The following ZBTB48 variants were observed in gnomAD, a reference collection of about 807,000 sequenced individuals.
ZBTB48 encodes zinc finger and BTB domain-containing protein 48.
A neutral mutation model predicts 64.5 loss-of-function variants in ZBTB48; 35 were observed. The ratio of observed to expected loss-of-function variants is 0.54; its 90% CI spans 0.41 to 0.72. ZBTB48 has a LOEUF of 0.72. Ranked by LOEUF, ZBTB48 falls within the 30% of genes least tolerant of loss-of-function variation. The pLI is 0.00. For missense variants in ZBTB48, 828 were observed against 895.3 expected (o/e 0.92, Z 0.96); for synonymous variants, 442 against 356.7 (o/e 1.24, Z -2.70).
intron 3 of ZBTB48, chr1:6,585,672 C>T: frequency 2.0e-6 from 1 of 510,604 alleles, no homozygotes. Context: ...GCTGGGCCTC[C>T]CTGTCGGCCT....
At chr1:6,585,512 G>GTGT (rs1640626837) in intron 3 of ZBTB48, 1 of 201,948 alleles carries the variant, frequency 5.0e-6, no homozygotes, top group African/African-American at 2.3e-5. Context: ...CAGCTCCCCT[G>GTGT]GCTACCTGGG....
intron 4 of ZBTB48, 103 bp from the exon 5 acceptor site, chr1:6,586,592 C>T: frequency 4.2e-6 from 6 of 1,417,234 alleles, no homozygotes; most frequent in Non-Finnish European, 4.6e-6. Context: ...CCACCCTCCC[C>T]AGGCAGACTC....
Position 6,582,038 on chromosome 1 carries a change from T to C in ZBTB48, c.691-20T>C. The C allele has an allele frequency of 6.2e-7, 1 of 1,607,478 alleles. No individual in the cohort carries two copies. Among genetic ancestry groups the C allele is most frequent in the African/African-American group, 1.3e-5 (1 of 74,938 alleles). ...TTCATTTGGTGACGCCACCCCCTCC[T>C]GCTGCCTATTGTGCTCTAGTGGGAA... On this transcript the variant is annotated intron_variant, in intron 2 of 10. Coordinates refer to ENST00000377674, the MANE Select transcript of ZBTB48 (RefSeq NM_005341.4).
rs1640408834 is a variant in ZBTB48, at chr1:6,580,620, C to T, written c.11C>T (p.Ser4Phe). The change falls in exon 2 of 11, where the codon TCC (serine) becomes TTC (phenylalanine). Residue 4 changes from serine (S) to phenylalanine (F), a missense_variant. Coordinates refer to ENST00000377674, the MANE Select transcript of ZBTB48 (RefSeq NM_005341.4). The surrounding 1 kb of genome is among the most constrained non-coding windows in gnomAD (Gnocchi z 5.2). MDG[S>F]FVQHSVRVLQ... The stretch of plus-strand genomic sequence containing the variant: ...CCTGCCCTCCAGACCATGGACGGCT[C>T]CTTCGTCCAGCACAGTGTGAGGGTT... 1.9e-6 allele frequency: 3 copies of T among 1,609,856 alleles called. No homozygotes were observed. The highest frequency in any genetic ancestry group is 1.1e-5 in the South Asian group (1 of 91,002).
rs746681902 is a variant in ZBTB48 at position 6,586,005 on chromosome 1, G to A, written c.1019G>A (p.Arg340Gln). 9 of 1,614,028 alleles carry A rather than the reference G, an allele frequency of 5.6e-6. No individual in the cohort carries two copies. The East Asian group carries it at 8.9e-5, about 16-fold the overall frequency. Residue 340 changes from arginine to glutamine, a missense_variant, in exon 4 of 11, where the codon CGG becomes CAG. Physicochemically the swap from Arg to Gln is conservative, Grantham distance 43. Coordinates refer to ENST00000377674, the MANE Select transcript of ZBTB48 (RefSeq NM_005341.4). Reference sequence around the variant, plus strand: ...GAGAACCTCCTGGAGCATGAAGCCCGGAATTGCATGAACCGCTCGGAACAG... The same window carrying A: ...GAGAACCTCCTGGAGCATGAAGCCCAGAATTGCATGAACCGCTCGGAACAG... ...RKENLLEHEA[R>Q]NCMNRSEQVF... is the part of the protein sequence containing the mutation.
At position 6,580,498 on chromosome 1, in the gene ZBTB48, T is replaced by G; in HGVS notation, c.-69-43T>G. ...GCCCTCGTGCTGATAAATATGATTA[T>G]TTGAGTAGAGGCCAACTTCCCGTTT... On this transcript the variant is annotated intron_variant, in intron 1 of 10. Transcript: ENST00000377674. The surrounding 1 kb of genome is among the most constrained non-coding windows in gnomAD (Gnocchi z 5.2). The G allele has an allele frequency of 2.6e-6, 3 of 1,137,702 alleles. No homozygotes were observed. The highest frequency in any genetic ancestry group is 5.3e-5 in the Admixed American group (2 of 37,954). The allele number at this position is 1,137,702 out of a possible 1,614,324, so 70.5% of individuals were successfully genotyped here. A position where few individuals can be genotyped will look rare whatever the true frequency, so the allele number is the denominator to read the frequency against.
In ZBTB48 at chr1:6,580,692, C is replaced by T; in HGVS notation, c.83C>T (p.Ala28Val). Residue 28 changes from alanine (A) to valine (V), a missense_variant, in exon 2 of 11, where the codon GCC (alanine) becomes GTC (valine). Physicochemically the swap from Ala to Val is moderately conservative, Grantham distance 64 (BLOSUM62 0). Coordinates refer to ENST00000377674, the MANE Select transcript of ZBTB48 (RefSeq NM_005341.4). The surrounding 1 kb of genome is among the most constrained non-coding windows in gnomAD (Gnocchi z 5.2). ...KQREKGQYCD[A>V]TLDVGGLVFK... Reference sequence around the variant, plus strand: ...CGGGAGAAGGGCCAGTACTGCGACGCCACTCTGGACGTGGGGGGCCTGGTG... The same window carrying T: ...CGGGAGAAGGGCCAGTACTGCGACGTCACTCTGGACGTGGGGGGCCTGGTG... 1 of 1,614,154 alleles carries T rather than the reference C, an allele frequency of 6.2e-7. No homozygotes were observed. The highest frequency in any genetic ancestry group is 1.7e-4 in the Middle Eastern group (1 of 6,060).
At position 6,588,973 on chromosome 1, in the gene ZBTB48, C is replaced by T; in HGVS notation, c.1828C>T (p.Gln610Ter). Residue 610 changes from glutamine (Q) to a stop codon, truncating the protein, a stop_gained, in exon 11 of 11, where the codon CAG becomes TAG. Coordinates refer to ENST00000377674, the MANE Select transcript of ZBTB48 (RefSeq NM_005341.4). LOFTEE classifies it high-confidence loss of function. Reference protein sequence around the residue: ...HDRVENYNPRQRKLRNLIIED... With the variant: ...HDRVENYNPR ...CCGGGTAGAGAACTACAACCCGCGGCAGCGCAAGCTCCGCAACCTGATCAT... is the reference window on the plus strand; with the variant it reads ...CCGGGTAGAGAACTACAACCCGCGGTAGCGCAAGCTCCGCAACCTGATCAT... 6.2e-7 allele frequency: 1 copy of T among 1,602,014 alleles called. No individual in the cohort carries two copies. Among genetic ancestry groups the T allele is most frequent in the East Asian group, 2.2e-5 (1 of 44,726 alleles).
At position 6,588,047 on chromosome 1, in the gene ZBTB48, CCCA is replaced by C. The variant is rs1640740032; in HGVS notation, c.1380-10_1380-8del. 1 of 1,613,798 alleles carries C rather than the reference CCCA, an allele frequency of 6.2e-7. No individual in the cohort carries two copies. The stretch of plus-strand genomic sequence containing the variant: ...TTGGTGATGGCCTCTGCCCCATGTC[CCCA>C]CCTTAACAGGAATGAGAGGCCACAC... On this transcript the variant is annotated splice_polypyrimidine_tract_variant and intron_variant, in intron 7 of 10. Transcript: ENST00000377674.
chr1:6,588,134 GCA>G lies in ZBTB48; in HGVS notation c.1462_1463del (p.Thr488GlyfsTer2). ...AAGGCCAATCTCAACATGCACCTGC[GCA>G]CACACACGGGTGAGAAGCCCTTCCA... On this transcript the variant is annotated frameshift_variant, in exon 8 of 11. Transcript: ENST00000377674. LOFTEE classifies it high-confidence loss of function. The G allele has an allele frequency of 1.9e-6, 3 of 1,614,136 alleles. No individual in the cohort carries two copies. Among genetic ancestry groups the G allele is most frequent in the South Asian group, 1.1e-5 (1 of 91,086 alleles).
At chr1:6,587,985 T>G in intron 7 of ZBTB48, 75 bp from the exon 8 acceptor site, 1 of 1,581,530 alleles carries the variant, frequency 6.3e-7, no homozygotes, top group Non-Finnish European at 8.6e-7. Flanking sequence ...CCACCAGGCA[T>G]GCTCCTAGCT....
intron 2 of ZBTB48, among the ~76,000 whole-genome samples, chr1:6,581,505 T>C (rs1640461564): frequency 6.6e-6 from 1 of 151,798 alleles, no homozygotes; most frequent in Non-Finnish European, 1.5e-5. Flanking sequence ...GTACAAAGAC[T>C]ATACAAAAAT....
intron 9 of ZBTB48, 148 bp downstream of exon 9, chr1:6,588,590 C>T (rs1640765075): frequency 6.9e-7 from 1 of 1,439,410 alleles, no homozygotes. Context: ...GCAGGGGTGT[C>T]CTGTGCAGTA....
Position 6,584,222 on chromosome 1 carries a change from C to A in ZBTB48, c.933-1697C>A, listed in dbSNP as rs1236839768. 6.6e-6 allele frequency among the ~76,000 whole-genome samples: 1 copy of A among 152,246 alleles called. No individual in the cohort carries two copies. ...AGCCACCGTGCCCAGCCCCCAGGGA[C>A]TATTTTAACTTAAAATTTAAAATTA... On this transcript the variant is annotated intron_variant, in intron 3 of 10. Transcript: ENST00000377674. This position sits in a 1 kb window ranked among gnomAD's most constrained non-coding sequence, Gnocchi z 4.5.
chr1:6,587,581 A>C lies in ZBTB48; in HGVS notation c.1328A>C (p.His443Pro). ...EKLFVCEECG[H>P]RASSRNGLQM... is the part of the protein sequence containing the mutation. Reference sequence around the variant, plus strand: ...CTGTTTGTGTGTGAGGAGTGTGGGCACCGGGCCTCGAGCCGGAATGGCCTG... The same window carrying C: ...CTGTTTGTGTGTGAGGAGTGTGGGCCCCGGGCCTCGAGCCGGAATGGCCTG... The change falls in exon 7 of 11, where the codon CAC (histidine) becomes CCC (proline). Residue 443 changes from histidine (H) to proline (P), a missense_variant. By Grantham distance (77) the His-to-Pro change is moderately conservative. Transcript: ENST00000377674. 6.2e-7 allele frequency: 1 copy of C among 1,613,776 alleles called. No individual in the cohort carries two copies. The highest frequency in any genetic ancestry group is 8.5e-7 in the Non-Finnish European group (1 of 1,180,020).
At position 6,587,464 on chromosome 1, in the gene ZBTB48, TG is replaced by T; in HGVS notation, c.1225-12del. 6.2e-7 allele frequency: 1 copy of T among 1,613,664 alleles called. No homozygotes were observed. Among genetic ancestry groups the T allele is most frequent in the Non-Finnish European group, 8.5e-7 (1 of 1,179,928 alleles). ...GCCCTGGTCCCTCCCTCTGCCTGCC[TG>T]GTCTGCCTGCAGTGCCCCACCTGTG... On this transcript the variant is annotated splice_polypyrimidine_tract_variant and intron_variant, in intron 6 of 10. Transcript: ENST00000377674.
Position 6,582,205 on chromosome 1 carries a change from C to A in ZBTB48, c.838C>A (p.Pro280Thr). Residue 280 changes from proline (P) to threonine (T), a missense_variant, in exon 3 of 11, where the codon CCT becomes ACT. Coordinates refer to ENST00000377674, the MANE Select transcript of ZBTB48 (RefSeq NM_005341.4). ...ALSAGSLAAE[P>T]AENRKGTAVP... ...GAGCGCGGGCTCCCTAGCAGCTGAGCCTGCTGAGAACAGAAAAGGTACAGC... is the reference window on the plus strand; with the variant it reads ...GAGCGCGGGCTCCCTAGCAGCTGAGACTGCTGAGAACAGAAAAGGTACAGC... 1 of 1,614,240 alleles carries A rather than the reference C, an allele frequency of 6.2e-7. No homozygotes were observed. Among genetic ancestry groups the A allele is most frequent in the Non-Finnish European group, 8.5e-7 (1 of 1,180,044 alleles).
chr1:6,586,511 G>C (rs372538704), intron 4 of ZBTB48, 184 bp from the exon 5 acceptor site: 6 of 1,278,128 alleles, frequency 4.7e-6, no homozygotes, highest in South Asian at 3.4e-5. Context: ...CCTGGTGTGC[G>C]GTGGGCTTGC....
In ZBTB48 at chr1:6,581,090, C is replaced by T. The variant is rs774654409; in HGVS notation, c.481C>T (p.Pro161Ser). Residue 161 changes from proline (P) to serine (S), a missense_variant, in exon 2 of 11, where the codon CCC becomes TCC. Pro to Ser is a moderately conservative substitution (Grantham distance 74). Transcript: ENST00000377674. ...EEVSRTLGLV[P>S]RDQEPRGSHS... ...AGTTTCGAGGACTCTGGGTCTAGTC[C>T]CCAGGGATCAGGAGCCCAGAGGCAG... 5.0e-6 allele frequency: 8 copies of T among 1,612,870 alleles called. No homozygotes were observed. In the Admixed American group the frequency reaches 5.0e-5, roughly 10 times the overall value.
Sources: gnomAD v4.1 joint callset for allele counts (sites outside exome capture counted in the v4.1 genomes callset) on GRCh38, gnomAD v4.1.1 for gene constraint, Gnocchi (gnomAD v3.1) non-coding constraint, MANE v1.5 for transcripts, NCBI Gene and HGNC (gene_info 2026-07-23, HGNC 2026-07-21) for gene names.